MARK2: variants seen among roughly 807,000 people sequenced by gnomAD.
MARK2 encodes the protein microtubule affinity regulating kinase 2.
MARK2 carries 16 observed loss-of-function variants against 89.8 expected under a neutral mutation model. The ratio of observed to expected loss-of-function variants is 0.18; its 90% confidence interval spans 0.12 to 0.27. The LOEUF is 0.27. MARK2 is among the 10% of genes least tolerant of loss of function. MARK2 has a pLI of 1.00. For synonymous variants in MARK2, 382 were observed against 399.5 expected, an observed-to-expected ratio of 0.96 and a Z score of 0.52; for missense variants, 621 against 1,049.9, an observed-to-expected ratio of 0.59 and a Z score of 5.65.
At chr11:63,870,159 A>C (rs774232640) in intron 1 of MARK2, among the ~76,000 whole-genome samples, 1 of 152,258 alleles carries the variant, frequency 6.6e-6, no homozygotes, top group African/African-American at 2.4e-5. Flanking sequence ...CCAATTCTGC[A>C]CACTGGAGAG....
Position 63,906,118 on chromosome 11 carries a change from G to C in MARK2, c.1961+4G>C. 7.5e-7 allele frequency: 1 copy of C among 1,326,834 alleles called. No homozygotes were observed. The highest frequency in any genetic ancestry group is 9.6e-7 in the Non-Finnish European group (1 of 1,037,576). 82.2% of individuals were successfully genotyped at this position (1,326,834 alleles called of 1,614,324 possible). A position where few individuals can be genotyped will look rare whatever the true frequency, so the allele number is the denominator to read the frequency against. On this transcript the variant is annotated splice_donor_region_variant and intron_variant, in intron 17 of 18. Coordinates refer to ENST00000402010, the MANE Select transcript of MARK2 (RefSeq NM_001039469.3). ...TGTCTTTCAGGTTTGCCAGAAGGTA[G>C]GCGTTGAGCCCGCTGTGTGTGTGTG...
At chr11:63,873,002 G>A (rs140166605) in intron 1 of MARK2, among the ~76,000 whole-genome samples, 9 of 149,770 alleles carry the variant, frequency 6.0e-5, no homozygotes, top group African/African-American at 2.0e-4. Context: ...AGGAGATTCC[G>A]GGGCGCATGA....
At chr11:63,874,337 A>G (rs1261604788) in intron 1 of MARK2, among the ~76,000 whole-genome samples, 1 of 152,218 alleles carries the variant, frequency 6.6e-6, no homozygotes, top group African/African-American at 2.4e-5. Flanking sequence ...TGAGAATTGA[A>G]TGCTTGCTTT....
chr11:63,906,143 G>GTT, intron 17 of MARK2, 29 bp downstream of exon 17: 2 of 1,295,628 alleles, frequency 1.5e-6, no homozygotes, highest in Non-Finnish European at 2.0e-6. Context: ...GTGTGTGTGT[G>GTT]TGTGTGTGTG....
intron 1 of MARK2, 147 bp downstream of exon 1, chr11:63,839,707 C>G: frequency 1.6e-6 from 1 of 635,372 alleles, no homozygotes; most frequent in East Asian, 3.2e-5. Context: ...TCCGGCTCCG[C>G]ACATCCCGCT....
Position 63,898,816 on chromosome 11 carries a change from C to G in MARK2, c.457C>G (p.Arg153Gly). 1 of 1,613,864 alleles carries G rather than the reference C, an allele frequency of 6.2e-7. No homozygotes were observed. Among genetic ancestry groups the G allele is most frequent in the Non-Finnish European group, 8.5e-7 (1 of 1,179,964 alleles). The change falls in exon 6 of 19, where the codon CGA becomes GGA. Residue 153 changes from arginine to glycine, a missense_variant. This residue lies in a region of MARK2 where 82 missense variants were observed against 287.7 expected (regional missense o/e 0.29). Coordinates refer to ENST00000402010, the MANE Select transcript of MARK2 (RefSeq NM_001039469.3). ...AHGRMKEKEA[R>G]AKFRQIVSAV... ...TGGCAGGATGAAAGAAAAAGAGGCT[C>G]GAGCCAAATTCCGCCAGGTAGGTGT...
rs1306364124 is a variant in MARK2, at chr11:63,872,380, C to T, written c.55-22779C>T. ...CAGGGTTGTAGAAGTGACCGTGTTC[C>T]ACACTGCAGGGTCCAGGTCACAGCC... On this transcript the variant is annotated intron_variant, in intron 1 of 18. Transcript: ENST00000402010. Among the ~76,000 whole-genome samples, 4 of 152,278 alleles carry T rather than the reference C, an allele frequency of 2.6e-5. No homozygotes were observed. In the South Asian group the frequency reaches 6.2e-4, roughly 24 times the overall value.
At chr11:63,906,038 T>G (rs1941300155) in intron 16 of MARK2, 50 bp from the exon 17 acceptor site, 1 of 1,352,500 alleles carries the variant, frequency 7.4e-7, no homozygotes, top group East Asian at 2.8e-5. Flanking sequence ...CTTGTTGGTT[T>G]TTTTTTTATT....
chr11:63,863,763 C>T (rs1355224909), intron 1 of MARK2, among the ~76,000 whole-genome samples: 5 of 151,312 alleles, frequency 3.3e-5, no homozygotes, highest in East Asian at 3.9e-4. Context: ...TGTGCCCCCC[C>T]GCCCCACACC....
At chr11:63,876,613 G>A (rs1938771310) in intron 1 of MARK2, among the ~76,000 whole-genome samples, 2 of 152,296 alleles carry the variant, frequency 1.3e-5, no homozygotes, top group Admixed American at 6.5e-5. Flanking sequence ...TCCTGGGTGG[G>A]TTTCTTCTTT....
At chr11:63,899,233 T>TTTTCTTTC (rs536426137) in intron 7 of MARK2, 125 bp downstream of exon 7, 8 of 681,230 alleles carry the variant, frequency 1.2e-5, no homozygotes, top group Admixed American at 2.4e-5. Flanking sequence ...GCCTTTCTTT[T>TTTTCTTTC]TTTCTTTCTT....
At chr11:63,895,388 C>T in intron 2 of MARK2, 50 bp downstream of exon 2, 1 of 1,571,594 alleles carries the variant, frequency 6.4e-7, no homozygotes, top group Non-Finnish European at 8.7e-7. Context: ...CCTGTTGACA[C>T]TCCAGCAGGT....
At chr11:63,866,278 G>C (rs576190972) in intron 1 of MARK2, among the ~76,000 whole-genome samples, 1 of 149,652 alleles carries the variant, frequency 6.7e-6, no homozygotes, top group African/African-American at 2.5e-5. Flanking sequence ...CTTGAACCCA[G>C]AAGGCAGAGG....
chr11:63,906,491 C>T (rs1005801197), intron 17 of MARK2, among the ~76,000 whole-genome samples: 1 of 150,430 alleles, frequency 6.6e-6, no homozygotes, highest in African/African-American at 2.4e-5. Context: ...ACCCCACCCC[C>T]ACTCCCTCTC....
chr11:63,865,734 CA>C, intron 1 of MARK2, among the ~76,000 whole-genome samples: 1 of 152,310 alleles, frequency 6.6e-6, no homozygotes. Flanking sequence ...GATTAGATGA[CA>C]GTCCTTTTCA....
At position 63,899,860 on chromosome 11, in the gene MARK2, A is replaced by G. The variant is rs1179121920; in HGVS notation, c.532-14A>G. 4 of 1,590,510 alleles carry G rather than the reference A, an allele frequency of 2.5e-6. No homozygotes were observed. The highest frequency in any genetic ancestry group is 2.2e-5 in the East Asian group (1 of 44,758). On this transcript the variant is annotated splice_polypyrimidine_tract_variant and intron_variant, in intron 7 of 18. Coordinates refer to ENST00000402010, the MANE Select transcript of MARK2 (RefSeq NM_001039469.3). ...TCCACTTGGTTCCCTGATGTTTTCC[A>G]TCTTACCTCCCAGGCAGAAAACCTG...
chr11:63,874,518 C>T (rs1163681187), intron 1 of MARK2, among the ~76,000 whole-genome samples: 1 of 152,290 alleles, frequency 6.6e-6, no homozygotes, highest in Non-Finnish European at 1.5e-5. Context: ...AGCAGTGCCT[C>T]AAGGTCACTT....
At chr11:63,899,454 G>A (rs1020561542) in intron 7 of MARK2, among the ~76,000 whole-genome samples, 3 of 152,112 alleles carry the variant, frequency 2.0e-5, no homozygotes, top group African/African-American at 7.2e-5. Context: ...GCTGACCCAG[G>A]GAAGAGTGCT....
chr11:63,852,757 C>T (rs1295806272), intron 1 of MARK2, among the ~76,000 whole-genome samples: 6 of 151,964 alleles, frequency 3.9e-5, no homozygotes, highest in South Asian at 2.1e-4. Context: ...TACCTTACTG[C>T]GTCTTATGCG....
Sources: allele counts gnomAD v4.1 joint callset (sites outside exome capture counted in the v4.1 genomes callset), GRCh38; gene constraint gnomAD v4.1.1; regional missense constraint gnomAD v4.1.1; transcripts MANE v1.5; gene names NCBI Gene and HGNC (gene_info 2026-07-23, HGNC 2026-07-21).